NRXN1: variants seen among roughly 807,000 people sequenced by gnomAD.
The protein encoded by NRXN1 is neurexin-1.
In NRXN1, 39 loss-of-function variants were observed where a neutral mutation model predicts 150.9. That is an observed-to-expected ratio of 0.26 (90% CI 0.20 to 0.34). The LOEUF (loss-of-function observed/expected upper bound fraction) is 0.34. Ranked by LOEUF, NRXN1 falls within the 10% of genes least tolerant of loss-of-function variation. The pLI is 1.00. For missense variants in NRXN1, 1,815 were observed against 1,949.9 expected, an observed-to-expected ratio of 0.93 and a Z score of 1.30; for synonymous variants, 924 against 757.0, an observed-to-expected ratio of 1.22 and a Z score of -3.62.
chr2:50,894,930 T>C (rs1175616455), intron 5 of NRXN1, among the ~76,000 whole-genome samples: 1 of 152,148 alleles, frequency 6.6e-6, no homozygotes, highest in Non-Finnish European at 1.5e-5. Flanking sequence ...ATTATGTTAT[T>C]CCTAGAAATA....
At chr2:50,555,644 G>A (rs887862685) in intron 8 of NRXN1, among the ~76,000 whole-genome samples, 1 of 152,086 alleles carries the variant, frequency 6.6e-6, no homozygotes, top group African/African-American at 2.4e-5. Context: ...GTTTATAGTT[G>A]AACAAAATTC....
Position 50,620,078 on chromosome 2 carries a change from T to C in NRXN1, c.1264A>G (p.Thr422Ala), listed in dbSNP as rs778131264. The C allele has an allele frequency of 3.7e-6, 6 of 1,613,122 alleles. No homozygotes were observed. The African/African-American group carries it at 8.0e-5, about 22-fold the overall frequency. Residue 422 changes from threonine (T) to alanine (A), a missense_variant, in exon 8 of 23, where the codon ACA becomes GCA. Physicochemically the swap from Thr to Ala is moderately conservative, Grantham distance 58 (BLOSUM62 0). Around this residue, in one of 6 missense-constraint regions of NRXN1, gnomAD observed 638 missense variants for 652.6 expected, o/e 0.98. Transcript: ENST00000401669. ...DFFYVGGSPSTADLPGSPVSN... is the reference protein window; with the variant it reads ...DFFYVGGSPSAADLPGSPVSN... Reference sequence around the variant, plus strand: ...ACTGGTGACCCTGGAAGGTCGGCTGTGCTGGGACTGCCTCCAACATAGAAA... The same window carrying C: ...ACTGGTGACCCTGGAAGGTCGGCTGCGCTGGGACTGCCTCCAACATAGAAA...
At chr2:50,790,068 C>G (rs117931038) in intron 5 of NRXN1, among the ~76,000 whole-genome samples, 2 of 151,986 alleles carry the variant, frequency 1.3e-5, no homozygotes, top group African/African-American at 4.8e-5. Context: ...TTTGGATTTT[C>G]CCACAGTATC....
At chr2:50,459,924 C>T (rs1166320404) in intron 17 of NRXN1, among the ~76,000 whole-genome samples, 1 of 152,076 alleles carries the variant, frequency 6.6e-6, no homozygotes. Flanking sequence ...CTTGATTCTG[C>T]ACCTGTTGTG....
At position 50,347,544 on chromosome 2, in the gene NRXN1, G is replaced by A; in HGVS notation, c.3365-110574C>T. Reference sequence around the variant, plus strand: ...GCCCGCTAGCGCCAGCCTCCCCCGGGCAGCGCGCGGAGCAGCGGCGCGCAT... The same window carrying A: ...GCCCGCTAGCGCCAGCCTCCCCCGGACAGCGCGCGGAGCAGCGGCGCGCAT... On this transcript the variant is annotated intron_variant, in intron 17 of 22. Coordinates refer to ENST00000401669, the MANE Select transcript of NRXN1 (RefSeq NM_001330078.2). The surrounding 1 kb of genome is among the most constrained non-coding windows in gnomAD (Gnocchi z 4.9). 10 of 1,046,164 alleles carry A rather than the reference G, an allele frequency of 9.6e-6. No homozygotes were observed. Among genetic ancestry groups the A allele is most frequent in the Non-Finnish European group, 1.2e-5 (10 of 866,342 alleles). The allele number at this position is 1,046,164 out of a possible 1,614,324, so 64.8% of individuals were successfully genotyped here.
intron 8 of NRXN1, among the ~76,000 whole-genome samples, chr2:50,611,949 C>T (rs936940349): frequency 5.9e-5 from 9 of 152,116 alleles, no homozygotes; most frequent in Admixed American, 1.3e-4. Context: ...TCCCAGCAAT[C>T]TAGGCTGCAT....
At chr2:50,356,626 G>A (rs1277526143) in intron 17 of NRXN1, among the ~76,000 whole-genome samples, 4 of 152,086 alleles carry the variant, frequency 2.6e-5, no homozygotes, top group Non-Finnish European at 4.4e-5. Context: ...ATTGTTCCTG[G>A]TTGCGTTCAA....
chr2:50,203,838 G>C (rs916068047), intron 18 of NRXN1, among the ~76,000 whole-genome samples: 1 of 152,048 alleles, frequency 6.6e-6, no homozygotes, highest in African/African-American at 2.4e-5. Context: ...CTGTTCAACA[G>C]CTTTATCGTA....
At chr2:50,214,188 A>AATTCAAG (rs2063227758) in intron 18 of NRXN1, among the ~76,000 whole-genome samples, 1 of 151,920 alleles carries the variant, frequency 6.6e-6, no homozygotes, top group Non-Finnish European at 1.5e-5. Flanking sequence ...CTTTTATTTT[A>AATTCAAG]ATTCAAGATA....
rs1433949239 is a variant in NRXN1 at position 50,686,757 on chromosome 2, AAGTCAATG to A, written c.833-63150_833-63143del. Among the ~76,000 whole-genome samples, 5 of 152,308 alleles carry A rather than the reference AAGTCAATG, an allele frequency of 3.3e-5. No homozygotes were observed. In the East Asian group the frequency reaches 7.7e-4, roughly 24 times the overall value. ...AAGGTAACGGGTAGAGACTGTTGCC[AAGTCAATG>A]AAGCAAAGACTTTCTCTCTAGATGC... On this transcript the variant is annotated intron_variant, in intron 5 of 22. Coordinates refer to ENST00000401669, the MANE Select transcript of NRXN1 (RefSeq NM_001330078.2).
intron 5 of NRXN1, among the ~76,000 whole-genome samples, chr2:50,835,770 A>T (rs1672019789): frequency 6.6e-6 from 1 of 152,226 alleles, no homozygotes; most frequent in Non-Finnish European, 1.5e-5. Flanking sequence ...GGAAGAATCC[A>T]GAAGCAGGGT....
chr2:50,877,685 TTGAA>T (rs1405340401), intron 5 of NRXN1, among the ~76,000 whole-genome samples: 1 of 151,932 alleles, frequency 6.6e-6, no homozygotes, highest in Admixed American at 6.6e-5. Flanking sequence ...TTAATAGTAT[TTGAA>T]TGGTAATATG....
intron 17 of NRXN1, among the ~76,000 whole-genome samples, chr2:50,407,811 T>C (rs2082861888): frequency 6.6e-6 from 1 of 152,122 alleles, no homozygotes; most frequent in Non-Finnish European, 1.5e-5. Context: ...TCCACAACGG[T>C]AAGAAATATA....
At chr2:50,624,607 G>A (rs1680668408) in intron 5 of NRXN1, among the ~76,000 whole-genome samples, 1 of 151,646 alleles carries the variant, frequency 6.6e-6, no homozygotes, top group Non-Finnish European at 1.5e-5. Context: ...CTCCTACAGA[G>A]CATGTGCATT....
intron 5 of NRXN1, among the ~76,000 whole-genome samples, chr2:50,701,446 G>A: frequency 6.6e-6 from 1 of 152,134 alleles, no homozygotes; most frequent in East Asian, 1.9e-4. Flanking sequence ...CCATTTGACA[G>A]ATTAAAGCAT....
chr2:50,951,485 T>C (rs535381133), intron 2 of NRXN1, among the ~76,000 whole-genome samples: 3 of 152,306 alleles, frequency 2.0e-5, no homozygotes, highest in Admixed American at 2.0e-4. Context: ...CCAAGTATTT[T>C]TGGCACACCT....
chr2:50,098,350 T>C (rs2351156), intron 18 of NRXN1, among the ~76,000 whole-genome samples: 129,596 of 151,916 alleles, frequency 0.85, 55,638 homozygotes, highest in African/African-American at 0.95. Flanking sequence ...GAGGGAGTGG[T>C]GGGGAAAAGC....
At chr2:50,695,278 T>C (rs1416483467) in intron 5 of NRXN1, among the ~76,000 whole-genome samples, 1 of 152,154 alleles carries the variant, frequency 6.6e-6, no homozygotes, top group East Asian at 1.9e-4. Context: ...CCGACAAATG[T>C]GAGGATTAGA....
At chr2:50,232,858 A>G (rs2065076140) in intron 18 of NRXN1, among the ~76,000 whole-genome samples, 1 of 152,086 alleles carries the variant, frequency 6.6e-6, no homozygotes, top group Non-Finnish European at 1.5e-5. Flanking sequence ...CATCCAACTA[A>G]AATTTCACCA....
Sources: gnomAD v4.1 joint callset for allele counts (sites outside exome capture counted in the v4.1 genomes callset) on GRCh38, gnomAD v4.1.1 for gene constraint, gnomAD v4.1.1 regional missense constraint, Gnocchi (gnomAD v3.1) non-coding constraint, MANE v1.5 for transcripts, NCBI Gene and HGNC (gene_info 2026-07-23, HGNC 2026-07-21) for gene names.